The following MLLT10 variants were observed in gnomAD, a reference collection of about 807,000 sequenced individuals.
The protein encoded by MLLT10 is protein AF-10.
A neutral mutation model predicts 129.1 loss-of-function variants in MLLT10; 30 were observed. The ratio of observed to expected loss-of-function variants is 0.23; its 90% CI spans 0.17 to 0.32. MLLT10 has a LOEUF of 0.32. MLLT10 is among the 10% of genes least tolerant of loss of function. MLLT10 has a pLI of 1.00. For synonymous variants in MLLT10, 490 were observed against 446.4 expected (o/e 1.10, Z -1.23); for missense variants, 1,119 against 1,268.3 (o/e 0.88, Z 1.79).
At position 21,640,296 on chromosome 10, in the gene MLLT10, TATA is replaced by T. The variant is rs901941101; in HGVS notation, c.700-11373_700-11371del. On this transcript the variant is annotated intron_variant, in intron 8 of 22. Transcript: ENST00000307729. ...ATTGTATTATATATAATATATATTA[TATA>T]ATATATATGTATACATATATTGGTG... Among the ~76,000 whole-genome samples, 49 of 144,052 alleles carry T rather than the reference TATA, an allele frequency of 3.4e-4. 1 individual carries two copies. Among genetic ancestry groups the T allele is most frequent in the African/African-American group, 1.1e-3 (44 of 39,404 alleles). 94.5% of individuals were successfully genotyped at this position (144,052 alleles called of 152,430 possible). A position where few individuals can be genotyped will look rare whatever the true frequency, so the allele number is the denominator to read the frequency against.
At chr10:21,622,357 G>A (rs2045968935) in intron 8 of MLLT10, among the ~76,000 whole-genome samples, 1 of 148,724 alleles carries the variant, frequency 6.7e-6, no homozygotes, top group Admixed American at 6.7e-5. Context: ...TTGTAGAGAC[G>A]AGGTCTCCCT....
chr10:21,601,013 A>C (rs1235255555), intron 5 of MLLT10, among the ~76,000 whole-genome samples: 1 of 152,028 alleles, frequency 6.6e-6, no homozygotes, highest in Non-Finnish European at 1.5e-5. Flanking sequence ...GTGCAATTAC[A>C]GCTCACTGTA....
intron 8 of MLLT10, among the ~76,000 whole-genome samples, chr10:21,628,394 C>A (rs2046661136): frequency 6.7e-6 from 1 of 148,640 alleles, no homozygotes; most frequent in South Asian, 2.1e-4. Context: ...TGATTATAGT[C>A]ATTTAAAGGC....
chr10:21,642,523 G>A (rs2048109794), intron 8 of MLLT10, among the ~76,000 whole-genome samples: 1 of 151,912 alleles, frequency 6.6e-6, no homozygotes, highest in Non-Finnish European at 1.5e-5. Context: ...TGGGTGTGGT[G>A]GCACATGCCG....
chr10:21,717,216 G>GCGCTC (rs1365304793), intron 14 of MLLT10, among the ~76,000 whole-genome samples: 2 of 127,284 alleles, frequency 1.6e-5, no homozygotes, highest in South Asian at 5.3e-4. Flanking sequence ...TCACGCCATT[G>GCGCTC]CGCTCCAGCC....
chr10:21,630,213 G>T (rs1275882065), intron 8 of MLLT10, among the ~76,000 whole-genome samples: 1 of 152,192 alleles, frequency 6.6e-6, no homozygotes, highest in Non-Finnish European at 1.5e-5. Flanking sequence ...TTAAAATAAT[G>T]GATCATGAGA....
chr10:21,654,684 C>G (rs138923083), intron 9 of MLLT10, among the ~76,000 whole-genome samples: 17 of 152,240 alleles, frequency 1.1e-4, no homozygotes, highest in Admixed American at 2.6e-4. Flanking sequence ...CTATTCTTGT[C>G]CATCTCTATG....
At chr10:21,732,041 T>C (rs1224761345) in intron 17 of MLLT10, among the ~76,000 whole-genome samples, 1 of 152,178 alleles carries the variant, frequency 6.6e-6, no homozygotes, top group Non-Finnish European at 1.5e-5. Flanking sequence ...GCATCTCATT[T>C]GGGCCCACTA....
intron 3 of MLLT10, among the ~76,000 whole-genome samples, chr10:21,585,115 G>T (rs1418929331): frequency 6.6e-6 from 1 of 151,658 alleles, no homozygotes; most frequent in Non-Finnish European, 1.5e-5. Context: ...GTAGAGGTGG[G>T]ATTTTGCCGT....
At chr10:21,584,257 G>A (rs184615898) in intron 3 of MLLT10, among the ~76,000 whole-genome samples, 4 of 150,538 alleles carry the variant, frequency 2.7e-5, no homozygotes, top group South Asian at 2.1e-4. Flanking sequence ...TCCGCCTTCC[G>A]GTTTCAAGTG....
intron 9 of MLLT10, among the ~76,000 whole-genome samples, chr10:21,658,697 C>T (rs943251986): frequency 6.6e-6 from 1 of 152,204 alleles, no homozygotes; most frequent in Non-Finnish European, 1.5e-5. Flanking sequence ...CGGAGTCTCG[C>T]TCTGTCGCCC....
At chr10:21,577,567 G>A (rs2040912516) in intron 3 of MLLT10, among the ~76,000 whole-genome samples, 2 of 151,592 alleles carry the variant, frequency 1.3e-5, no homozygotes, top group South Asian at 2.1e-4. Context: ...CACCTCCTGG[G>A]TTCAAGTGAT....
At chr10:21,641,357 A>G (rs1405745338) in intron 8 of MLLT10, among the ~76,000 whole-genome samples, 1 of 152,262 alleles carries the variant, frequency 6.6e-6, no homozygotes, top group East Asian at 1.9e-4. Flanking sequence ...GCATAGAGAC[A>G]TAGATACATA....
At chr10:21,711,205 C>T (rs2056050854) in intron 13 of MLLT10, among the ~76,000 whole-genome samples, 1 of 151,872 alleles carries the variant, frequency 6.6e-6, no homozygotes, top group Admixed American at 6.6e-5. Flanking sequence ...GGCAGATCAC[C>T]TGAGGTCAGG....
In MLLT10 at chr10:21,583,498, C is replaced by G. The variant is rs949776020; in HGVS notation, c.241-2796C>G. On this transcript the variant is annotated intron_variant, in intron 3 of 22. Transcript: ENST00000307729. ...TAGCCTGTTTCAGGTTAAAGGAATA[C>G]CTGAAACTGGGTAGATTATTAATAT... 1.2e-4 allele frequency among the ~76,000 whole-genome samples: 19 copies of G among 152,156 alleles called. No individual in the cohort carries two copies. In the South Asian group the frequency reaches 2.5e-3, roughly 20 times the overall value.
At chr10:21,686,831 A>G (rs1246473741) in intron 13 of MLLT10, among the ~76,000 whole-genome samples, 1 of 152,004 alleles carries the variant, frequency 6.6e-6, no homozygotes, top group Non-Finnish European at 1.5e-5. Flanking sequence ...AAAATACAAA[A>G]ATTAGCCAGA....
intron 9 of MLLT10, among the ~76,000 whole-genome samples, chr10:21,665,886 A>G (rs563229573): frequency 6.6e-6 from 1 of 151,810 alleles, no homozygotes; most frequent in Admixed American, 6.6e-5. Context: ...GCTAATCTAC[A>G]GGTAGAGACA....
chr10:21,643,385 T>C (rs1159086989), intron 8 of MLLT10, among the ~76,000 whole-genome samples: 1 of 152,194 alleles, frequency 6.6e-6, no homozygotes, highest in Non-Finnish European at 1.5e-5. Context: ...TGACATTCTC[T>C]TATGTAAACA....
chr10:21,610,160 G>A (rs753842143), intron 5 of MLLT10, among the ~76,000 whole-genome samples: 1 of 152,152 alleles, frequency 6.6e-6, no homozygotes, highest in Non-Finnish European at 1.5e-5. Flanking sequence ...TTTCCAGTTT[G>A]TTTCTCATAA....
Sources: allele counts gnomAD v4.1 joint callset (sites outside exome capture counted in the v4.1 genomes callset), GRCh38; gene constraint gnomAD v4.1.1; transcripts MANE v1.5; gene names NCBI Gene and HGNC (gene_info 2026-07-23, HGNC 2026-07-21).